The following SLC7A9 variants were observed in gnomAD, a reference collection of about 807,000 sequenced individuals.
The protein encoded by SLC7A9 is solute carrier family 7 member 9.
In SLC7A9, 38 loss-of-function variants were observed where a neutral mutation model predicts 54.1. That is an observed-to-expected ratio of 0.70 (90% CI 0.54 to 0.92). SLC7A9 has a LOEUF of 0.92. SLC7A9 is among the 40% of genes least tolerant of loss of function. SLC7A9 has a pLI of 0.00. For synonymous variants in SLC7A9, 264 were observed against 258.9 expected (o/e 1.02, Z -0.19); for missense variants, 537 against 636.1 (o/e 0.84, Z 1.68).
At chr19:32,844,334 C>T (rs1472339667) in intron 9 of SLC7A9, among the ~76,000 whole-genome samples, 1 of 152,102 alleles carries the variant, frequency 6.6e-6, no homozygotes, top group Non-Finnish European at 1.5e-5. Context: ...CATTCAATAT[C>T]CTCCCCTAGC....
intron 12 of SLC7A9, chr19:32,832,817 G>A (rs1967843682): frequency 3.2e-6 from 1 of 314,214 alleles, no homozygotes; most frequent in South Asian, 3.2e-5. Flanking sequence ...GCCCAGGTGG[G>A]AGGATGGCTT....
rs201766636 is a variant in SLC7A9 at position 32,862,518 on chromosome 19, C to A, written c.547G>T (p.Ala183Ser). 24 of 1,613,588 alleles carry A rather than the reference C, an allele frequency of 1.5e-5. No individual in the cohort carries two copies. Among genetic ancestry groups the A allele is most frequent in the Non-Finnish European group, 2.0e-5 (24 of 1,180,024 alleles). ...ATGATGGCCACGATCACCAGCTTGG[C>A]CGCGGTGAAGATGTTCTGGACGTAG... Reference protein sequence around the residue: ...GSYVQNIFTAAKLVIVAIIII... With the variant: ...GSYVQNIFTASKLVIVAIIII... The change falls in exon 5 of 13, where the codon GCC becomes TCC. Residue 183 changes from alanine to serine, a missense_variant. By Grantham distance (99) the Ala-to-Ser change is moderately conservative. Coordinates refer to ENST00000023064, the MANE Select transcript of SLC7A9 (RefSeq NM_014270.5).
Position 32,860,139 on chromosome 19 carries a change from A to G in SLC7A9, c.750-175T>C, listed in dbSNP as rs542731110. The G allele has an allele frequency of 4.6e-6, 7 of 1,536,094 alleles. No homozygotes were observed. In the African/African-American group the frequency reaches 6.8e-5, roughly 15 times the overall value. On this transcript the variant is annotated intron_variant, in intron 7 of 12. Coordinates refer to ENST00000023064, the MANE Select transcript of SLC7A9 (RefSeq NM_014270.5). ...TCTCTCAGACTCCAGAGCAGTTCAC[A>G]TGGAACTGTTTATAAAGCAAAATAA...
At position 32,862,582 on chromosome 19, in the gene SLC7A9, G is replaced by C; in HGVS notation, c.483C>G (p.Phe161Leu). ...CGCTCAGTGAGTTCACTGTCGAGATGAACACTGGAAGGGTGGGGACAGTTT... is the reference window on the plus strand; with the variant it reads ...CGCTCAGTGAGTTCACTGTCGAGATCAACACTGGAAGGGTGGGGACAGTTT... Reference protein sequence around the residue: ...VKCLAAAAILFISTVNSLSVR... With the variant: ...VKCLAAAAILLISTVNSLSVR... The change falls in exon 5 of 13, where the codon TTC becomes TTG. Residue 161 changes from phenylalanine (F) to leucine (L), a missense_variant. Phe to Leu is a conservative substitution (Grantham distance 22). Transcript: ENST00000023064. The C allele has an allele frequency of 6.2e-7, 1 of 1,613,952 alleles. No homozygotes were observed. Among genetic ancestry groups the C allele is most frequent in the Non-Finnish European group, 8.5e-7 (1 of 1,180,026 alleles).
intron 2 of SLC7A9, among the ~76,000 whole-genome samples, chr19:32,865,124 C>A (rs943388221): frequency 6.6e-6 from 1 of 152,180 alleles, no homozygotes; most frequent in East Asian, 1.9e-4. Context: ...TGATCCTGTG[C>A]CCTCAATGAA....
At chr19:32,831,523 TC>T (rs1967793682) in intron 12 of SLC7A9, among the ~76,000 whole-genome samples, 1 of 152,132 alleles carries the variant, frequency 6.6e-6, no homozygotes, top group Admixed American at 6.5e-5. Context: ...TCTCCTGACC[TC>T]GTGATCTGCC....
In SLC7A9 at chr19:32,843,866, T is replaced by G. The variant is rs1408483577; in HGVS notation, c.1063A>C (p.Ile355Leu). The change falls in exon 10 of 13, where the codon ATC (isoleucine) becomes CTC (leucine). Residue 355 changes from isoleucine (I) to leucine (L), a missense_variant. Ile to Leu is a conservative substitution (Grantham distance 5). Transcript: ENST00000023064. ...GGATTTGTACTCACATAAAAGATGATGGCGGGGGCTGGAGTGAGGCGCCTG... is the reference window on the plus strand; with the variant it reads ...GGATTTGTACTCACATAAAAGATGAGGGCGGGGGCTGGAGTGAGGCGCCTG... ...SVRRLTPAPA[I>L]IFYGIIATIY... 1.2e-6 allele frequency: 2 copies of G among 1,613,086 alleles called. No homozygotes were observed.
intron 6 of SLC7A9, 133 bp from the exon 7 acceptor site, chr19:32,860,783 G>A (rs1968777883): frequency 1.5e-6 from 2 of 1,301,364 alleles, no homozygotes; most frequent in African/African-American, 3.0e-5. Context: ...AATTCCAGGT[G>A]AATTTTTTTC....
chr19:32,866,156 G>T (rs978023011), intron 2 of SLC7A9, among the ~76,000 whole-genome samples: 19 of 152,168 alleles, frequency 1.2e-4, no homozygotes, highest in South Asian at 1.0e-3. Flanking sequence ...CAGATCGCAG[G>T]GGATGAGGGG....
At chr19:32,830,777 G>GTCTT (rs1343382584) in intron 12 of SLC7A9, 93 bp from the exon 13 acceptor site, 10 of 1,032,360 alleles carry the variant, frequency 9.7e-6, no homozygotes, top group African/African-American at 3.3e-5. Context: ...ATTGTTTTCA[G>GTCTT]TCTTTGGTGA....
intron 9 of SLC7A9, among the ~76,000 whole-genome samples, chr19:32,846,345 A>G (rs1968294283): frequency 6.6e-6 from 1 of 152,210 alleles, no homozygotes; most frequent in Admixed American, 6.5e-5. Flanking sequence ...CAACGGGCTT[A>G]AAAAACGGTG....
chr19:32,855,471 G>A (rs1342399359), intron 9 of SLC7A9, among the ~76,000 whole-genome samples: 2 of 152,270 alleles, frequency 1.3e-5, no homozygotes, highest in African/African-American at 2.4e-5. Context: ...AGGCCAAGGC[G>A]GGCGGATCAC....
At chr19:32,835,580 T>TC (rs1568511132) in intron 11 of SLC7A9, among the ~76,000 whole-genome samples, 1 of 152,136 alleles carries the variant, frequency 6.6e-6, no homozygotes. Flanking sequence ...ATCAGACAAT[T>TC]CCAGTATTGC....
chr19:32,834,646 C>G (rs1967903977), intron 11 of SLC7A9, among the ~76,000 whole-genome samples: 1 of 151,928 alleles, frequency 6.6e-6, no homozygotes, highest in Admixed American at 6.6e-5. Context: ...AAGACCATAA[C>G]CTGGGTGATT....
intron 9 of SLC7A9, among the ~76,000 whole-genome samples, chr19:32,844,961 A>G (rs879710957): frequency 1.1e-4 from 16 of 144,800 alleles, no homozygotes; most frequent in Non-Finnish European, 2.3e-4. Flanking sequence ...TTAGAAGTTC[A>G]AGACCAGTCT....
In SLC7A9 at chr19:32,842,169, T is replaced by C. The variant is rs907277091; in HGVS notation, c.1223A>G (p.Lys408Arg). 3.1e-6 allele frequency: 5 copies of C among 1,614,078 alleles called. No individual in the cohort carries two copies. In the South Asian group the frequency reaches 3.3e-5, roughly 11 times the overall value. ...FTRKELERPIKVPVVIPVLMT... is the reference protein window; with the variant it reads ...FTRKELERPIRVPVVIPVLMT... ...GTGACTCTGGGGCTGCAAGCTTACC[T>C]TGATAGGCCTTTCCAGCTCTTTCCT... Residue 408 changes from lysine (K) to arginine (R), a missense_variant and splice_region_variant, in exon 11 of 13, where the codon AAG becomes AGG. Physicochemically the swap from Lys to Arg is conservative, Grantham distance 26. Transcript: ENST00000023064.
At chr19:32,842,061 G>A in intron 11 of SLC7A9, 107 bp downstream of exon 11, 1 of 1,106,286 alleles carries the variant, frequency 9.0e-7, no homozygotes, top group Non-Finnish European at 1.4e-6. Flanking sequence ...TTTTAAAAGA[G>A]TCAAGTCAGA....
rs183206818 is a variant in SLC7A9, at chr19:32,839,556, A to C, written c.1224+2612T>G. Among the ~76,000 whole-genome samples, 850 of 151,444 alleles carry C rather than the reference A, an allele frequency of 5.6e-3. 8 individuals are homozygous for C. The highest frequency in any genetic ancestry group is 0.019 in the African/African-American group (800 of 41,326). On this transcript the variant is annotated intron_variant, in intron 11 of 12. Transcript: ENST00000023064. ...TGACAGAGTGACACTCCGTCTCAAAAAAAAAAAAAAAAAAAGTCTCGTGTA... is the reference window on the plus strand; with the variant it reads ...TGACAGAGTGACACTCCGTCTCAAACAAAAAAAAAAAAAAAGTCTCGTGTA...
rs1248600851 is a variant in SLC7A9, at chr19:32,865,019, AGAG to A, written c.88-246_88-244del. ...GCCACACTGTGTCACCCCCATGGACAGAGGAGGACGCTGAGGCACAGAAAGATT... is the reference window on the plus strand; with the variant it reads ...GCCACACTGTGTCACCCCCATGGACAGAGGACGCTGAGGCACAGAAAGATT... On this transcript the variant is annotated intron_variant, in intron 2 of 12. Coordinates refer to ENST00000023064, the MANE Select transcript of SLC7A9 (RefSeq NM_014270.5). 2.6e-5 allele frequency among the ~76,000 whole-genome samples: 4 copies of A among 152,338 alleles called. No homozygotes were observed. In the South Asian group the frequency reaches 8.3e-4, roughly 32 times the overall value.
Sources: gnomAD v4.1 joint callset for allele counts (sites outside exome capture counted in the v4.1 genomes callset) on GRCh38, gnomAD v4.1.1 for gene constraint, MANE v1.5 for transcripts, NCBI Gene and HGNC (gene_info 2026-07-23, HGNC 2026-07-21) for gene names.